FHL5: variants seen among roughly 807,000 people sequenced by gnomAD.
FHL5 encodes four and a half LIM domains 5.
In FHL5, 33 loss-of-function variants were observed where a neutral mutation model predicts 32.0. The ratio of observed to expected loss-of-function variants is 1.03; its 90% CI spans 0.78 to 1.38. The LOEUF (loss-of-function observed/expected upper bound fraction) is 1.38, where lower values mean the gene tolerates loss of function less well. Among genes scored for constraint, FHL5 ranks in the 40% most tolerant of loss-of-function variants. The pLI is 0.00. For synonymous variants in FHL5, 114 were observed against 113.6 expected, an observed-to-expected ratio of 1.00 and a Z score of -0.02; for missense variants, 336 against 343.9, an observed-to-expected ratio of 0.98 and a Z score of 0.18.
rs558354993 is a variant in FHL5, at chr6:96,609,577, C to T, written c.505-995C>T. On this transcript the variant is annotated intron_variant, in intron 4 of 5. Transcript: ENST00000450218. ...ATTACATCTCAGGCAAAACACTGCA[C>T]ATCACACCTTAAGGCTCAATGTACA... 1.4e-4 allele frequency among the ~76,000 whole-genome samples: 21 copies of T among 152,336 alleles called. No individual in the cohort carries two copies. The South Asian group carries it at 4.3e-3, about 32-fold the overall frequency.
chr6:96,574,179 C>T (rs532702009), intron 1 of FHL5, among the ~76,000 whole-genome samples: 2 of 152,074 alleles, frequency 1.3e-5, no homozygotes, highest in Non-Finnish European at 2.9e-5. Flanking sequence ...ATTTTTAAAA[C>T]CATTTAGTAA....
Position 96,610,595 on chromosome 6 carries a change from A to C in FHL5, c.528A>C (p.Thr176=). 1 of 1,613,944 alleles carries C rather than the reference A, an allele frequency of 6.2e-7. No individual in the cohort carries two copies. The highest frequency in any genetic ancestry group is 8.5e-7 in the Non-Finnish European group (1 of 1,179,856). ...CKKVITSGGI[T]FCDQLWHKEC... Reference sequence around the variant, plus strand: ...AGGTGATAACTTCAGGTGGGATAACATTTTGTGACCAGCTATGGCATAAAG... The same window carrying C: ...AGGTGATAACTTCAGGTGGGATAACCTTTTGTGACCAGCTATGGCATAAAG... Residue 176 remains threonine (T), a synonymous_variant, in exon 5 of 6, where the codon ACA becomes ACC. Coordinates refer to ENST00000450218, the MANE Select transcript of FHL5 (RefSeq NM_001322466.2).
At position 96,612,823 on chromosome 6, in the gene FHL5, T is replaced by A. The variant is rs531910351; in HGVS notation, c.691+2065T>A. 2.0e-5 allele frequency among the ~76,000 whole-genome samples: 3 copies of A among 152,308 alleles called. No homozygotes were observed. In the South Asian group the frequency reaches 6.2e-4, roughly 32 times the overall value. The stretch of plus-strand genomic sequence containing the variant: ...TACAACTCACTTTACTATTTCTTCA[T>A]CTAATTGTTAAATATCTATAGGCCC... On this transcript the variant is annotated intron_variant, in intron 5 of 5. Transcript: ENST00000450218.
intron 1 of FHL5, among the ~76,000 whole-genome samples, chr6:96,595,177 A>G (rs2127968804): frequency 6.6e-6 from 1 of 151,668 alleles, no homozygotes; most frequent in South Asian, 2.1e-4. Context: ...TTGGTAGTAA[A>G]CATAGCTTTT....
At chr6:96,586,316 G>A (rs1332362900) in intron 1 of FHL5, among the ~76,000 whole-genome samples, 1 of 152,134 alleles carries the variant, frequency 6.6e-6, no homozygotes, top group Non-Finnish European at 1.5e-5. Context: ...ATAGTTCATG[G>A]AAAATACACA....
At chr6:96,596,981 C>T (rs545962218) in intron 1 of FHL5, among the ~76,000 whole-genome samples, 2 of 152,144 alleles carry the variant, frequency 1.3e-5, no homozygotes, top group South Asian at 2.1e-4. Flanking sequence ...CTGCATCTTG[C>T]TCCCACACAT....
In FHL5 at chr6:96,618,104, A is replaced by C. The variant is rs1008485886; in HGVS notation, c.*2332A>C. Reference sequence around the variant, plus strand: ...ATATGTAGACATAGCACACATATGCAAAACAACTAAGAAAAAGACCTCCTT... The same window carrying C: ...ATATGTAGACATAGCACACATATGCCAAACAACTAAGAAAAAGACCTCCTT... On this transcript the variant is annotated 3_prime_UTR_variant, in exon 6 of 6. Coordinates refer to ENST00000450218, the MANE Select transcript of FHL5 (RefSeq NM_001322466.2). Among the ~76,000 whole-genome samples the C allele has an allele frequency of 6.6e-5, 10 of 152,234 alleles. 1 individual carries two copies. The highest frequency in any genetic ancestry group is 2.4e-4 in the African/African-American group (10 of 41,470).
chr6:96,562,832 T>C (rs1038933801), upstream of FHL5: 52 of 152,124 alleles, frequency 3.4e-4, no homozygotes, highest in African/African-American at 1.2e-3. Flanking sequence ...AAAAGAAGGG[T>C]TCTGATCACC....
At chr6:96,611,249 T>C (rs9486708) in intron 5 of FHL5, among the ~76,000 whole-genome samples, 8,347 of 152,266 alleles carry the variant, frequency 0.055, 665 homozygotes, top group African/African-American at 0.17. Flanking sequence ...AGGTCAGTAA[T>C]TAATTAAACT....
chr6:96,574,118 A>T (rs1433487508), intron 1 of FHL5, among the ~76,000 whole-genome samples: 1 of 152,108 alleles, frequency 6.6e-6, no homozygotes, highest in African/African-American at 2.4e-5. Context: ...TAAGCATTTC[A>T]CCATGCCATT....
At chr6:96,586,376 C>T (rs1227920858) in intron 1 of FHL5, among the ~76,000 whole-genome samples, 1 of 152,070 alleles carries the variant, frequency 6.6e-6, no homozygotes, top group African/African-American at 2.4e-5. Flanking sequence ...CTGAAATAAA[C>T]TCATACTAAT....
intron 1 of FHL5, among the ~76,000 whole-genome samples, chr6:96,589,772 C>T (rs922688237): frequency 1.6e-4 from 24 of 151,960 alleles, no homozygotes; most frequent in Admixed American, 9.2e-4. Context: ...ATGACATTCT[C>T]TTATATTCTC....
chr6:96,578,701 G>T (rs538650960), intron 1 of FHL5, among the ~76,000 whole-genome samples: 51 of 152,114 alleles, frequency 3.4e-4, no homozygotes, highest in African/African-American at 1.2e-3. Flanking sequence ...AATAAGCCAG[G>T]TATAGTGGCA....
chr6:96,569,174 A>G (rs766339109), intron 1 of FHL5, among the ~76,000 whole-genome samples: 14 of 151,992 alleles, frequency 9.2e-5, no homozygotes, highest in Non-Finnish European at 2.1e-4. Flanking sequence ...ATATTTTAAA[A>G]TCTTCCTCTT....
intron 1 of FHL5, among the ~76,000 whole-genome samples, chr6:96,565,388 C>T (rs924722295): frequency 6.6e-6 from 1 of 152,086 alleles, no homozygotes; most frequent in African/African-American, 2.4e-5. Context: ...GTTTGCCTCC[C>T]TACCTTAAAG....
rs765435252 is a variant in FHL5 at position 96,610,734 on chromosome 6, G to A, written c.667G>A (p.Val223Ile). Residue 223 changes from valine to isoleucine, a missense_variant, in exon 5 of 6, where the codon GTA (valine) becomes ATA (isoleucine). Coordinates refer to ENST00000450218, the MANE Select transcript of FHL5 (RefSeq NM_001322466.2). ...CAACCATCTTTATGCCAACAAGTGT[G>A]TAGCCTGTTCCAAACCCATTAGTGG... The part of the protein sequence containing the change: ...CYNHLYANKC[V>I]ACSKPISGLT... 6.2e-7 allele frequency: 1 copy of A among 1,613,438 alleles called. No homozygotes were observed. Among genetic ancestry groups the A allele is most frequent in the Non-Finnish European group, 8.5e-7 (1 of 1,179,498 alleles).
At position 96,563,172 on chromosome 6, in the gene FHL5, G is replaced by A. The variant is rs1163535779; in HGVS notation, c.-196G>A. ...GTATAAGACTTGGAGGAAATGCAGGGACCCTTCTGTTTTCTCCTGCAAAGT... is the reference window on the plus strand; with the variant it reads ...GTATAAGACTTGGAGGAAATGCAGGAACCCTTCTGTTTTCTCCTGCAAAGT... On this transcript the variant is annotated 5_prime_UTR_variant, in exon 1 of 6. Coordinates refer to ENST00000450218, the MANE Select transcript of FHL5 (RefSeq NM_001322466.2). The A allele has an allele frequency of 1.3e-5, 2 of 152,138 alleles. No individual in the cohort carries two copies. Among genetic ancestry groups the A allele is most frequent in the Non-Finnish European group, 1.5e-5 (1 of 68,012 alleles). The allele number at this position is 152,138 out of a possible 1,614,324, so 9.4% of individuals were successfully genotyped here.
At chr6:96,604,439 A>T (rs1037834800) in intron 2 of FHL5, among the ~76,000 whole-genome samples, 1 of 152,048 alleles carries the variant, frequency 6.6e-6, no homozygotes, top group African/African-American at 2.4e-5. Context: ...TAAAATTTTT[A>T]AAAATCATTC....
At position 96,594,258 on chromosome 6, in the gene FHL5, TATATATATA is replaced by T. The variant is rs1562059677; in HGVS notation, c.-12-9343_-12-9335del. Among the ~76,000 whole-genome samples, 10 of 118,942 alleles carry T rather than the reference TATATATATA, an allele frequency of 8.4e-5. 1 individual carries two copies. Among genetic ancestry groups the T allele is most frequent in the South Asian group, 2.5e-4 (1 of 3,958 alleles). 78.0% of individuals were successfully genotyped at this position (118,942 alleles called of 152,430 possible). A position where few individuals can be genotyped will look rare whatever the true frequency, so the allele number is the denominator to read the frequency against. On this transcript the variant is annotated intron_variant, in intron 1 of 5. Coordinates refer to ENST00000450218, the MANE Select transcript of FHL5 (RefSeq NM_001322466.2). ...ATATATATATATATATATATATATA[TATATATATA>T]TATATATGTATGTATGTATTTACTT...
Sources: gnomAD v4.1 joint callset for allele counts (sites outside exome capture counted in the v4.1 genomes callset) on GRCh38, gnomAD v4.1.1 for gene constraint, MANE v1.5 for transcripts, NCBI Gene and HGNC (gene_info 2026-07-23, HGNC 2026-07-21) for gene names.